TCF4: variants seen among roughly 807,000 people sequenced by gnomAD.
TCF4 encodes transcription factor 4, also known as SL3-3 enhancer factor 2.
Under a neutral mutation model 82.1 loss-of-function variants are expected in TCF4, and 3 were observed. That is an observed-to-expected ratio of 0.04 (90% CI 0.02 to 0.09). TCF4 has a LOEUF of 0.09. Among genes scored for constraint, TCF4 ranks in the 10% least tolerant of loss-of-function variants. The pLI is 1.00. For missense variants in TCF4, 518 were observed against 852.7 expected, an observed-to-expected ratio of 0.61 and a Z score of 4.89; for synonymous variants, 276 against 309.6, an observed-to-expected ratio of 0.89 and a Z score of 1.14.
At chr18:55,500,500 G>A (rs949196103) in intron 3 of TCF4, among the ~76,000 whole-genome samples, 5 of 152,072 alleles carry the variant, frequency 3.3e-5, no homozygotes, top group Non-Finnish European at 7.4e-5. Context: ...AGTTCATTTC[G>A]GCACATCCTG....
At chr18:55,510,799 A>T in intron 3 of TCF4, 2 of 1,207,764 alleles carry the variant, frequency 1.7e-6, no homozygotes, top group Non-Finnish European at 2.1e-6. Flanking sequence ...TTATTTGTAT[A>T]TATCAGTCAG....
chr18:55,572,916 G>A (rs2097488357), intron 3 of TCF4, among the ~76,000 whole-genome samples: 1 of 152,046 alleles, frequency 6.6e-6, no homozygotes, highest in African/African-American at 2.4e-5. Context: ...AGCCAGGTGT[G>A]GTGGCACATG....
At chr18:55,231,346 A>G (rs2047861234) in intron 17 of TCF4, 1 of 152,212 alleles carries the variant, frequency 6.6e-6, no homozygotes, top group Non-Finnish European at 1.5e-5. Context: ...TTGGTTATTC[A>G]CTTACAAATA....
At chr18:55,550,492 G>A (rs1464750670) in intron 3 of TCF4, 1 of 152,174 alleles carries the variant, frequency 6.6e-6, no homozygotes, top group Non-Finnish European at 1.5e-5. Flanking sequence ...TTACCAAGCT[G>A]CAGATAATTT....
intron 3 of TCF4, among the ~76,000 whole-genome samples, chr18:55,568,761 CA>C (rs1317609987): frequency 6.6e-6 from 1 of 151,904 alleles, no homozygotes; most frequent in Admixed American, 6.6e-5. Context: ...ACTTTGTAGA[CA>C]AAACTAGACT....
chr18:55,392,370 A>G (rs111740352), intron 6 of TCF4, among the ~76,000 whole-genome samples: 2,751 of 151,066 alleles, frequency 0.018, 98 homozygotes, highest in African/African-American at 0.063. Flanking sequence ...TACAGTCCCA[A>G]CTACTCAGAG....
chr18:55,435,467 T>G (rs1569472812), intron 5 of TCF4, among the ~76,000 whole-genome samples: 1 of 152,216 alleles, frequency 6.6e-6, no homozygotes, highest in Non-Finnish European at 1.5e-5. Context: ...GAATAAAATC[T>G]CCACAAGGGC....
rs373658921 is a variant in TCF4 at position 55,461,107 on chromosome 18, T to G, written c.216A>C (p.Gly72=). 4.3e-6 allele frequency: 7 copies of G among 1,611,836 alleles called. No homozygotes were observed. In the African/African-American group the frequency reaches 9.4e-5, roughly 22 times the overall value. Residue 72 remains glycine, a synonymous_variant, in exon 5 of 20, where the codon GGA becomes GGC. Coordinates refer to ENST00000354452, the MANE Select transcript of TCF4 (RefSeq NM_001083962.2). ...GGHPSPSRNY[G]DGTPYDHMTS... ...TCATGTGGTCATAGGGAGTCCCATCTCCATAGTTCTGTAAATAAAATGACA... is the reference window on the plus strand; with the variant it reads ...TCATGTGGTCATAGGGAGTCCCATCGCCATAGTTCTGTAAATAAAATGACA...
chr18:55,482,649 A>G (rs1317981678), intron 3 of TCF4: 2 of 152,172 alleles, frequency 1.3e-5, no homozygotes, highest in East Asian at 3.9e-4. Context: ...TCAGGATTAG[A>G]GCAACTTTCT....
intron 5 of TCF4, among the ~76,000 whole-genome samples, chr18:55,459,122 T>C (rs955387322): frequency 1.5e-4 from 23 of 152,152 alleles, no homozygotes; most frequent in Admixed American, 1.1e-3. Flanking sequence ...GAGACTGTCT[T>C]GGTCTCCATA....
chr18:55,615,159 A>C (rs1271029410), intron 2 of TCF4, among the ~76,000 whole-genome samples: 1 of 152,094 alleles, frequency 6.6e-6, no homozygotes, highest in Admixed American at 6.6e-5. Flanking sequence ...TTGAATCTAT[A>C]GATTAATTTG....
chr18:55,512,901 G>A (rs923271190), intron 3 of TCF4, among the ~76,000 whole-genome samples: 1 of 152,080 alleles, frequency 6.6e-6, no homozygotes, highest in Non-Finnish European at 1.5e-5. Flanking sequence ...ATTTCAATAG[G>A]CAAAGTAAGT....
intron 5 of TCF4, among the ~76,000 whole-genome samples, chr18:55,448,981 C>T (rs2095574830): frequency 1.3e-5 from 2 of 152,238 alleles, no homozygotes; most frequent in Non-Finnish European, 1.5e-5. Flanking sequence ...ACTATACCTA[C>T]GACTTTGCGA....
At chr18:55,447,630 T>C (rs1015400957) in intron 5 of TCF4, among the ~76,000 whole-genome samples, 1 of 152,184 alleles carries the variant, frequency 6.6e-6, no homozygotes, top group African/African-American at 2.4e-5. Context: ...TTTATATAAA[T>C]GGCTTTAAAA....
chr18:55,427,415 G>T (rs1050584193), intron 5 of TCF4, among the ~76,000 whole-genome samples: 5 of 152,120 alleles, frequency 3.3e-5, no homozygotes, highest in Non-Finnish European at 5.9e-5. Context: ...TTAATAATAA[G>T]AATAATGATT....
intron 6 of TCF4, chr18:55,351,423 G>T (rs994461316): frequency 9.4e-5 from 20 of 213,790 alleles, no homozygotes; most frequent in African/African-American, 4.3e-4. Flanking sequence ...TACACTGGGG[G>T]TAAGTGTAGC....
upstream of TCF4, chr18:55,588,547 A>T: frequency 6.5e-7 from 1 of 1,529,742 alleles, no homozygotes; most frequent in Non-Finnish European, 8.7e-7. Context: ...CCTCGGAGGC[A>T]CTTTGAAATT....
At chr18:55,286,895 TAA>T (rs1381777891) in intron 8 of TCF4, among the ~76,000 whole-genome samples, 1 of 152,202 alleles carries the variant, frequency 6.6e-6, no homozygotes, top group Admixed American at 6.5e-5. Context: ...TGCTGACAAA[TAA>T]GAGGGTATTT....
intron 3 of TCF4, among the ~76,000 whole-genome samples, chr18:55,512,371 A>G (rs143923451): frequency 6.6e-6 from 1 of 152,312 alleles, no homozygotes; most frequent in East Asian, 1.9e-4. Context: ...ATGGTAAAAT[A>G]TGAAGTTTAA....
Sources: gnomAD v4.1 joint callset for allele counts (sites outside exome capture counted in the v4.1 genomes callset) on GRCh38, gnomAD v4.1.1 for gene constraint, MANE v1.5 for transcripts, NCBI Gene and HGNC (gene_info 2026-07-23, HGNC 2026-07-21) for gene names.